The following SGCZ variants were observed in gnomAD, a reference collection of about 807,000 sequenced individuals.
SGCZ encodes zeta-sarcoglycan.
A neutral mutation model predicts 41.3 loss-of-function variants in SGCZ; 40 were observed. That is an observed-to-expected ratio of 0.97 (90% CI 0.75 to 1.26). The LOEUF (loss-of-function observed/expected upper bound fraction) is 1.26. Among genes scored for constraint, SGCZ ranks in the 50% most tolerant of loss-of-function variants. SGCZ has a pLI of 0.00. For missense variants in SGCZ, 552 were observed against 369.8 expected (o/e 1.49, Z -4.04); for synonymous variants, 206 against 137.5 (o/e 1.50, Z -3.49).
intron 1 of SGCZ, among the ~76,000 whole-genome samples, chr8:15,178,878 C>G (rs1218070210): frequency 6.6e-6 from 1 of 152,138 alleles, no homozygotes; most frequent in Non-Finnish European, 1.5e-5. Context: ...ACTCTATGTC[C>G]AATAAATGCT....
chr8:14,322,849 G>T (rs1188196320), intron 3 of SGCZ, among the ~76,000 whole-genome samples: 1 of 152,080 alleles, frequency 6.6e-6, no homozygotes, highest in Non-Finnish European at 1.5e-5. Flanking sequence ...GTCAAAGATG[G>T]TGACTATCAA....
At chr8:14,839,642 G>A (rs541463371) in intron 1 of SGCZ, among the ~76,000 whole-genome samples, 1 of 152,166 alleles carries the variant, frequency 6.6e-6, no homozygotes, top group East Asian at 1.9e-4. Context: ...CTTCCTCCCT[G>A]ATATACTGTA....
At chr8:14,756,487 A>G (rs537465592) in intron 1 of SGCZ, among the ~76,000 whole-genome samples, 160 of 152,162 alleles carry the variant, frequency 1.1e-3, no homozygotes, top group African/African-American at 3.7e-3. Flanking sequence ...GCCCAGCGGG[A>G]AGTAACAATT....
intron 2 of SGCZ, among the ~76,000 whole-genome samples, chr8:14,413,060 T>A (rs144344720): frequency 1.2e-3 from 188 of 152,172 alleles, no homozygotes; most frequent in Admixed American, 3.6e-3. Flanking sequence ...AGAATTGTTA[T>A]GCTTTGCATA....
intron 1 of SGCZ, among the ~76,000 whole-genome samples, chr8:14,582,292 A>G (rs1056515188): frequency 6.6e-6 from 1 of 152,106 alleles, no homozygotes; most frequent in African/African-American, 2.4e-5. Context: ...GGGGGGAGTT[A>G]AAATTTATAG....
At chr8:14,552,796 T>G (rs1342380446) in intron 2 of SGCZ, among the ~76,000 whole-genome samples, 1 of 152,066 alleles carries the variant, frequency 6.6e-6, no homozygotes, top group African/African-American at 2.4e-5. Flanking sequence ...AATTACGCAT[T>G]TAAGTATATT....
At chr8:14,685,406 G>GA (rs1808581124) in intron 1 of SGCZ, among the ~76,000 whole-genome samples, 1 of 152,034 alleles carries the variant, frequency 6.6e-6, no homozygotes. Context: ...TCTAAAAAAT[G>GA]AAAATGGTTA....
chr8:14,744,100 G>C (rs1799276136), intron 1 of SGCZ, among the ~76,000 whole-genome samples: 1 of 149,470 alleles, frequency 6.7e-6, no homozygotes, highest in African/African-American at 2.5e-5. Context: ...GTCTCTTTTA[G>C]GCTTCTCAAA....
chr8:15,074,239 T>C (rs1438201327), intron 1 of SGCZ, among the ~76,000 whole-genome samples: 1 of 152,188 alleles, frequency 6.6e-6, no homozygotes, highest in Non-Finnish European at 1.5e-5. Flanking sequence ...TAACTTAAGA[T>C]GATTCTTTAG....
chr8:14,681,741 C>A (rs1044964479), intron 1 of SGCZ, among the ~76,000 whole-genome samples: 4 of 152,032 alleles, frequency 2.6e-5, no homozygotes, highest in Non-Finnish European at 5.9e-5. Flanking sequence ...TTTCATCAAC[C>A]CTTCTTCTTG....
chr8:14,878,386 G>A (rs1804448541), intron 1 of SGCZ, among the ~76,000 whole-genome samples: 1 of 149,838 alleles, frequency 6.7e-6, no homozygotes, highest in Non-Finnish European at 1.5e-5. Flanking sequence ...ACAACTGTGA[G>A]AAAAAAAAAG....
chr8:14,612,783 C>T (rs1009758998), intron 1 of SGCZ, among the ~76,000 whole-genome samples: 2 of 152,052 alleles, frequency 1.3e-5, no homozygotes, highest in Non-Finnish European at 2.9e-5. Flanking sequence ...ACCTCCCAAG[C>T]TCAAATGATT....
At chr8:14,210,105 T>G (rs1169246049) in intron 4 of SGCZ, among the ~76,000 whole-genome samples, 1 of 152,166 alleles carries the variant, frequency 6.6e-6, no homozygotes, top group African/African-American at 2.4e-5. Flanking sequence ...TCGCCCAGAC[T>G]GGAACGCAGT....
intron 4 of SGCZ, among the ~76,000 whole-genome samples, chr8:14,202,525 T>G (rs540269065): frequency 6.6e-6 from 1 of 151,540 alleles, no homozygotes; most frequent in African/African-American, 2.4e-5. Flanking sequence ...TATTCATACT[T>G]GGATAATTTT....
At chr8:15,146,075 A>G (rs1281992879) in intron 1 of SGCZ, among the ~76,000 whole-genome samples, 1 of 152,138 alleles carries the variant, frequency 6.6e-6, no homozygotes, top group Non-Finnish European at 1.5e-5. Context: ...GAGAGGGGCT[A>G]AAAAAGAAGA....
At chr8:14,548,023 G>T (rs1803684503) in intron 2 of SGCZ, among the ~76,000 whole-genome samples, 2 of 152,106 alleles carry the variant, frequency 1.3e-5, no homozygotes, top group African/African-American at 4.8e-5. Flanking sequence ...GGCAGAATAT[G>T]GATAAGTCTG....
At chr8:15,197,187 G>A (rs984065258) in intron 1 of SGCZ, among the ~76,000 whole-genome samples, 8 of 152,176 alleles carry the variant, frequency 5.3e-5, no homozygotes, top group East Asian at 3.9e-4. Flanking sequence ...CACACACAGT[G>A]TGCTTCAACC....
At chr8:14,485,997 G>A (rs79613953) in intron 2 of SGCZ, among the ~76,000 whole-genome samples, 28,839 of 151,722 alleles carry the variant, frequency 0.19, 3,254 homozygotes, top group Admixed American at 0.26. Context: ...GTCCGCCACC[G>A]CGCCCGGCTA....
intron 1 of SGCZ, among the ~76,000 whole-genome samples, chr8:15,206,864 T>C (rs552129443): frequency 1.1e-4 from 17 of 152,214 alleles, no homozygotes; most frequent in African/African-American, 3.9e-4. Context: ...AATTTGACCT[T>C]AGTATGCAAA....
Sources: gnomAD v4.1 joint callset for allele counts (sites outside exome capture counted in the v4.1 genomes callset) on GRCh38, gnomAD v4.1.1 for gene constraint, MANE v1.5 for transcripts, NCBI Gene and HGNC (gene_info 2026-07-23, HGNC 2026-07-21) for gene names.